The following ROBO1 variants were observed in gnomAD, a reference collection of about 807,000 sequenced individuals.
The protein encoded by ROBO1 is roundabout guidance receptor 1.
ROBO1 carries 149 observed loss-of-function variants against 195.9 expected under a neutral mutation model. That is an observed-to-expected ratio of 0.76 (90% CI 0.67 to 0.87). The LOEUF is 0.87. ROBO1 is among the 40% of genes least tolerant of loss of function. The probability of loss-of-function intolerance (pLI) is 0.00; values close to 1 mark genes in which losing one functional copy is unlikely to be tolerated. For missense variants in ROBO1, 1,933 were observed against 2,068.3 expected (o/e 0.93, Z 1.27); for synonymous variants, 816 against 733.2 (o/e 1.11, Z -1.82).
intron 2 of ROBO1, among the ~76,000 whole-genome samples, chr3:79,366,668 T>A (rs1252774807): frequency 6.6e-6 from 1 of 152,178 alleles, no homozygotes; most frequent in Admixed American, 6.5e-5. Flanking sequence ...CGGCCACCAA[T>A]AAATATTTGT....
chr3:79,393,694 A>C lies in ROBO1; in HGVS notation c.88+196130T>G, dbSNP rs189758958. ...GAGGAGAGCTGAGAAGAAAGGAGTG[A>C]TTGTTATAAAGGGGGCTATGCTTCA... On this transcript the variant is annotated intron_variant, in intron 2 of 30. Transcript: ENST00000464233. Among the ~76,000 whole-genome samples the C allele has an allele frequency of 2.9e-3, 435 of 152,310 alleles. 2 individuals are homozygous for C. The highest frequency in any genetic ancestry group is 9.1e-3 in the African/African-American group (377 of 41,568).
At chr3:79,075,478 A>T (rs1352264949) in intron 3 of ROBO1, among the ~76,000 whole-genome samples, 2 of 151,986 alleles carry the variant, frequency 1.3e-5, no homozygotes, top group African/African-American at 4.8e-5. Flanking sequence ...GGGTACATAC[A>T]ATCACTCAAG....
chr3:78,619,473 T>C (rs1228281543), intron 26 of ROBO1, among the ~76,000 whole-genome samples: 1 of 151,656 alleles, frequency 6.6e-6, no homozygotes, highest in Non-Finnish European at 1.5e-5. Flanking sequence ...TTAGCACCCT[T>C]ATGATACTCA....
chr3:79,054,901 C>G lies in ROBO1; in HGVS notation c.172+70555G>C, dbSNP rs145158024. Reference sequence around the variant, plus strand: ...TCCACTTCAGGCGGTCCCAACGCAGCCTCCAGCACAAACAAATTTATCTAC... The same window carrying G: ...TCCACTTCAGGCGGTCCCAACGCAGGCTCCAGCACAAACAAATTTATCTAC... On this transcript the variant is annotated intron_variant, in intron 3 of 30. Transcript: ENST00000464233. 2.7e-3 allele frequency among the ~76,000 whole-genome samples: 405 copies of G among 152,260 alleles called. 2 individuals carry two copies. The highest frequency in any genetic ancestry group is 0.01 in the Middle Eastern group (3 of 294).
chr3:79,468,163 C>T (rs1459037817), intron 2 of ROBO1, among the ~76,000 whole-genome samples: 8 of 152,176 alleles, frequency 5.3e-5, no homozygotes, highest in African/African-American at 2.4e-5. Flanking sequence ...AAGTGGCAAA[C>T]TAAAAGTTCC....
At chr3:79,343,624 G>A (rs533642684) in intron 2 of ROBO1, among the ~76,000 whole-genome samples, 6 of 152,214 alleles carry the variant, frequency 3.9e-5, no homozygotes, top group South Asian at 4.1e-4. Context: ...GGAATACACC[G>A]CACTACTGAT....
chr3:79,359,160 T>G (rs1016791925), intron 2 of ROBO1, among the ~76,000 whole-genome samples: 1 of 152,034 alleles, frequency 6.6e-6, no homozygotes, highest in East Asian at 1.9e-4. Flanking sequence ...TATCTTAAAC[T>G]AGATTAATTT....
chr3:79,485,870 C>T (rs181418057), intron 2 of ROBO1, among the ~76,000 whole-genome samples: 2 of 152,102 alleles, frequency 1.3e-5, no homozygotes, highest in Admixed American at 6.6e-5. Flanking sequence ...TCTTTGAAGA[C>T]GGGAGTTTGG....
At position 78,671,664 on chromosome 3, in the gene ROBO1, T is replaced by C. The variant is rs540688257; in HGVS notation, c.1343-1363A>G. ...AATCAGCAGCTGTGCATTTCCACTC[T>C]ACTCTTCCAATTCTCTTCTTTGTCT... On this transcript the variant is annotated intron_variant, in intron 10 of 30. Coordinates refer to ENST00000464233, the MANE Select transcript of ROBO1 (RefSeq NM_002941.4). 6.6e-5 allele frequency among the ~76,000 whole-genome samples: 10 copies of C among 152,182 alleles called. No individual in the cohort carries two copies. In the East Asian group the frequency reaches 1.9e-3, roughly 29 times the overall value.
At chr3:79,540,835 T>C (rs898973096) in intron 2 of ROBO1, among the ~76,000 whole-genome samples, 12 of 152,154 alleles carry the variant, frequency 7.9e-5, no homozygotes, top group Admixed American at 6.6e-4. Context: ...ACGAAGATTG[T>C]CATGTCTACG....
chr3:78,613,327 T>G (rs1189322852), intron 28 of ROBO1, among the ~76,000 whole-genome samples: 2 of 152,160 alleles, frequency 1.3e-5, no homozygotes, highest in Non-Finnish European at 2.9e-5. Context: ...GATAATAAAA[T>G]TTGATAAAAC....
intron 2 of ROBO1, among the ~76,000 whole-genome samples, chr3:79,397,489 T>A (rs965137509): frequency 1.3e-5 from 2 of 152,110 alleles, no homozygotes; most frequent in African/African-American, 4.8e-5. Flanking sequence ...AGGAACAAAG[T>A]TCACGAAGGA....
intron 3 of ROBO1, among the ~76,000 whole-genome samples, chr3:79,050,235 A>T (rs1283552259): frequency 1.3e-5 from 2 of 152,144 alleles, no homozygotes; most frequent in African/African-American, 4.8e-5. Flanking sequence ...AAATAAAAGC[A>T]GGGGTTGCAA....
chr3:79,567,781 TTTAAA>T (rs1943138549), intron 2 of ROBO1, among the ~76,000 whole-genome samples: 1 of 152,168 alleles, frequency 6.6e-6, no homozygotes, highest in African/African-American at 2.4e-5. Context: ...TCTCCCTTAA[TTTAAA>T]TTATTTTCAT....
chr3:79,646,492 T>C (rs1034072167), intron 1 of ROBO1, among the ~76,000 whole-genome samples: 12 of 152,108 alleles, frequency 7.9e-5, no homozygotes, highest in African/African-American at 2.9e-4. Flanking sequence ...TGAAAAATTG[T>C]ATGTAAATTA....
At chr3:79,513,772 T>A (rs1028238507) in intron 2 of ROBO1, among the ~76,000 whole-genome samples, 2 of 152,194 alleles carry the variant, frequency 1.3e-5, no homozygotes, top group African/African-American at 4.8e-5. Context: ...ATATGCCAAC[T>A]TCATTATAAC....
intron 1 of ROBO1, among the ~76,000 whole-genome samples, chr3:79,622,774 G>C (rs973645904): frequency 1.3e-5 from 2 of 152,216 alleles, no homozygotes; most frequent in African/African-American, 4.8e-5. Flanking sequence ...CTAGATGAGT[G>C]GGTTTCCTCC....
chr3:79,419,738 C>T (rs1559885762), intron 2 of ROBO1, among the ~76,000 whole-genome samples: 1 of 151,992 alleles, frequency 6.6e-6, no homozygotes, highest in African/African-American at 2.4e-5. Flanking sequence ...AAACCCTAGA[C>T]ATAAAACATA....
At position 79,724,161 on chromosome 3, in the gene ROBO1, G is replaced by A. The variant is rs1702814717; in HGVS notation, c.-51+43591C>T. Among the ~76,000 whole-genome samples, 3 of 152,290 alleles carry A rather than the reference G, an allele frequency of 2.0e-5. No individual in the cohort carries two copies. In the South Asian group the frequency reaches 6.2e-4, roughly 32 times the overall value. ...ATTCTAGACTCCTATGCCTGTTATA[G>A]TAGTGTTTTGTTTGCTCTTTTATTT... On this transcript the variant is annotated intron_variant, in intron 1 of 30. Transcript: ENST00000464233.
Sources: gnomAD v4.1 joint callset for allele counts (sites outside exome capture counted in the v4.1 genomes callset) on GRCh38, gnomAD v4.1.1 for gene constraint, MANE v1.5 for transcripts, NCBI Gene and HGNC (gene_info 2026-07-23, HGNC 2026-07-21) for gene names.